Variants in SH2D3C observed in about 807,000 individuals in gnomAD.
SH2D3C encodes the protein SH2 domain containing 3C, also known as SH2 domain-containing protein 3C.
A neutral mutation model predicts 75.2 loss-of-function variants in SH2D3C; 25 were observed. The ratio of observed to expected loss-of-function variants is 0.33; its 90% CI spans 0.24 to 0.46. SH2D3C has a LOEUF of 0.46. Among genes scored for constraint, SH2D3C ranks in the 20% least tolerant of loss-of-function variants. The pLI, the probability that SH2D3C is intolerant of heterozygous loss-of-function variation, is 1.00. For missense variants in SH2D3C, 933 were observed against 1,165.3 expected (o/e 0.80, Z 2.90); for synonymous variants, 450 against 473.7 (o/e 0.95, Z 0.65).
At chr9:127,771,422 A>G in intron 2 of SH2D3C, 1 of 1,272,520 alleles carries the variant, frequency 7.9e-7, no homozygotes, top group Non-Finnish European at 1.0e-6. Context: ...CCGGCAGGGA[A>G]GGACGCTCTC....
chr9:127,740,415 A>T, intron 9 of SH2D3C, 46 bp from the exon 10 acceptor site: 1 of 1,441,836 alleles, frequency 6.9e-7, no homozygotes, highest in Non-Finnish European at 9.8e-7. Flanking sequence ...GAGGGCCTGC[A>T]GGGGCCACCC....
chr9:127,759,022 C>T (rs918613463), intron 3 of SH2D3C, among the ~76,000 whole-genome samples: 6 of 152,222 alleles, frequency 3.9e-5, no homozygotes, highest in Admixed American at 6.5e-5. Flanking sequence ...CCAGGTCGCC[C>T]ACTCACGGCC....
chr9:127,757,483 T>G (rs1028566307), intron 3 of SH2D3C, among the ~76,000 whole-genome samples: 27 of 150,914 alleles, frequency 1.8e-4, no homozygotes, highest in Non-Finnish European at 5.9e-5. Context: ...CAGGTTGGAG[T>G]GCAGTGGCTC....
intron 3 of SH2D3C, among the ~76,000 whole-genome samples, chr9:127,760,668 G>A (rs1054474960): frequency 4.6e-5 from 7 of 152,002 alleles, no homozygotes; most frequent in Non-Finnish European, 1.0e-4. Context: ...TGGACCTCAA[G>A]TTTCCCATCT....
rs575863067 is a variant in SH2D3C at position 127,778,662 on chromosome 9, C to T, written c.-35G>A. 28 of 1,592,424 alleles carry T rather than the reference C, an allele frequency of 1.8e-5. No homozygotes were observed. The highest frequency in any genetic ancestry group is 1.6e-4 in the African/African-American group (12 of 74,548). On this transcript the variant is annotated 5_prime_UTR_variant, in exon 1 of 12. Coordinates refer to ENST00000314830, the MANE Select transcript of SH2D3C (RefSeq NM_170600.3). ...TTGTGTGAAGCCCTTGGCCAGCTTG[C>T]GAGTGGCCACTCAAGGCTCGGGACA...
At chr9:127,750,080 C>T (rs1047074886) in intron 4 of SH2D3C, among the ~76,000 whole-genome samples, 3 of 152,038 alleles carry the variant, frequency 2.0e-5, no homozygotes, top group Non-Finnish European at 4.4e-5. Context: ...GGCCCTTGCA[C>T]CCTCAAGCTG....
chr9:127,769,634 C>G (rs1287565520), intron 2 of SH2D3C, among the ~76,000 whole-genome samples: 1 of 124,346 alleles, frequency 8.0e-6, no homozygotes, highest in Non-Finnish European at 1.7e-5. Context: ...CCAGCCTGGG[C>G]AACAAGAGCA....
intron 7 of SH2D3C, among the ~76,000 whole-genome samples, chr9:127,743,634 A>T (rs1381949734): frequency 6.6e-6 from 1 of 152,228 alleles, no homozygotes. Context: ...TGGGCCTAGA[A>T]CCTGGGTCCT....
chr9:127,767,000 G>A (rs1179269300), intron 2 of SH2D3C: 1 of 1,536,152 alleles, frequency 6.5e-7, no homozygotes, highest in Non-Finnish European at 8.7e-7. Flanking sequence ...TCTCTGCCAG[G>A]ACACCAGCCA....
chr9:127,764,320 A>T (rs1845591948), intron 2 of SH2D3C, among the ~76,000 whole-genome samples: 3 of 152,086 alleles, frequency 2.0e-5, no homozygotes, highest in Admixed American at 2.0e-4. Context: ...CCAAGACACA[A>T]TCACCATGTC....
At chr9:127,776,283 C>T (rs61066732) in intron 1 of SH2D3C, among the ~76,000 whole-genome samples, 17,750 of 151,772 alleles carry the variant, frequency 0.12, 2,627 homozygotes, top group African/African-American at 0.35. Flanking sequence ...GAGCTCACAC[C>T]GCTGGTAGGT....
intron 3 of SH2D3C, chr9:127,755,207 CG>C: frequency 8.9e-7 from 1 of 1,124,182 alleles, no homozygotes; most frequent in Non-Finnish European, 1.1e-6. Flanking sequence ...GGGCGGTGGC[CG>C]GCGGGGCAGG....
In SH2D3C at chr9:127,774,031, G is replaced by A. The variant is rs1443639174; in HGVS notation, c.474C>T (p.Asp158=). Residue 158 remains aspartate (D), a synonymous_variant, in exon 2 of 12, where the codon GAC becomes GAT. Coordinates refer to ENST00000314830, the MANE Select transcript of SH2D3C (RefSeq NM_170600.3). The surrounding 1 kb of genome is among the most constrained non-coding windows in gnomAD (Gnocchi z 4.3). ...CCCTGGGAGGTCTCTCCTCTTCTAC[G>A]TCTCCTGTGGGGACCTCAGGCTTTC... ...PIRKPEVPTG[D]VEEERPPRDV... is the part of the protein sequence containing the mutation. 32 of 1,613,832 alleles carry A rather than the reference G, an allele frequency of 2.0e-5. No homozygotes were observed. The highest frequency in any genetic ancestry group is 6.7e-5 in the Admixed American group (4 of 59,992).
rs760935887 is a variant in SH2D3C, at chr9:127,739,672, C to T, written c.2407+10G>A. 55 of 1,592,002 alleles carry T rather than the reference C, an allele frequency of 3.5e-5. No homozygotes were observed. In the Middle Eastern group the frequency reaches 6.8e-4, roughly 20 times the overall value. On this transcript the variant is annotated intron_variant, in intron 11 of 11. Transcript: ENST00000314830. This position sits in a 1 kb window ranked among gnomAD's most constrained non-coding sequence, Gnocchi z 4.3. ...CCTGCAAGCCCCCCAAGATGCCACC[C>T]GCCACTCACCCTGCAGCTTGACTTC...
intron 3 of SH2D3C, among the ~76,000 whole-genome samples, chr9:127,757,030 A>G (rs1295868713): frequency 6.6e-6 from 1 of 150,430 alleles, no homozygotes; most frequent in Non-Finnish European, 1.5e-5. Flanking sequence ...CCTGGGCTCA[A>G]GCAATTCTCC....
intron 8 of SH2D3C, chr9:127,742,589 G>T: frequency 2.5e-6 from 1 of 406,250 alleles, no homozygotes; most frequent in South Asian, 3.9e-5. Context: ...GATGGGCGAG[G>T]CCAGGCTGAT....
chr9:127,756,481 G>A (rs1245360710), intron 3 of SH2D3C, among the ~76,000 whole-genome samples: 1 of 152,118 alleles, frequency 6.6e-6, no homozygotes, highest in Non-Finnish European at 1.5e-5. Flanking sequence ...TTTGTTTTCT[G>A]TAAATACATC....
intron 5 of SH2D3C, 112 bp from the exon 6 acceptor site, chr9:127,747,383 G>T: frequency 2.8e-6 from 3 of 1,056,372 alleles, no homozygotes; most frequent in Non-Finnish European, 2.6e-6. Context: ...AAGGCTTGGA[G>T]ATTATCAAAT....
At position 127,738,569 on chromosome 9, in the gene SH2D3C, G is replaced by A. The variant is rs983364400; in HGVS notation, c.*177C>T. 1.9e-6 allele frequency: 1 copy of A among 535,610 alleles called. No individual in the cohort carries two copies. The highest frequency in any genetic ancestry group is 2.0e-5 in the African/African-American group (1 of 50,312). The allele number at this position is 535,610 out of a possible 1,614,324, so 33.2% of individuals were successfully genotyped here. A position where few individuals can be genotyped will look rare whatever the true frequency, so the allele number is the denominator to read the frequency against. ...TCAATGGAGACCTGGTGAGCATGTA[G>A]CAGGTGGGATGGAACCCAGAGTCCA... On this transcript the variant is annotated 3_prime_UTR_variant, in exon 12 of 12. Transcript: ENST00000314830. This position sits in a 1 kb window ranked among gnomAD's most constrained non-coding sequence, Gnocchi z 5.0.
Sources: gnomAD v4.1 joint callset for allele counts (sites outside exome capture counted in the v4.1 genomes callset) on GRCh38, gnomAD v4.1.1 for gene constraint, Gnocchi (gnomAD v3.1) non-coding constraint, MANE v1.5 for transcripts, NCBI Gene and HGNC (gene_info 2026-07-23, HGNC 2026-07-21) for gene names.